The following ZNF804B variants were observed in gnomAD, a reference collection of about 807,000 sequenced individuals.
The protein encoded by ZNF804B is zinc finger 804B.
ZNF804B carries 80 observed loss-of-function variants against 101.4 expected under a neutral mutation model. That is an observed-to-expected ratio of 0.79 (90% CI 0.66 to 0.95). The LOEUF is 0.95. ZNF804B is among the 40% of genes least tolerant of loss of function. ZNF804B has a pLI of 0.00. For missense variants in ZNF804B, 1,673 were observed against 1,561.9 expected (o/e 1.07, Z -1.20); for synonymous variants, 622 against 558.8 (o/e 1.11, Z -1.59).
chr7:89,259,721 G>A (rs1238820514), intron 2 of ZNF804B, among the ~76,000 whole-genome samples: 1 of 152,138 alleles, frequency 6.6e-6, no homozygotes, highest in Non-Finnish European at 1.5e-5. Context: ...AGGCAGTCCT[G>A]TATTGGATCC....
intron 1 of ZNF804B, among the ~76,000 whole-genome samples, chr7:89,175,626 C>T (rs2888659): frequency 0.66 from 100,882 of 151,886 alleles, 34,011 homozygotes; most frequent in South Asian, 0.73. Flanking sequence ...GGTATTTTGG[C>T]AGGGATGCAT....
intron 1 of ZNF804B, among the ~76,000 whole-genome samples, chr7:89,192,924 A>C (rs557004762): frequency 6.6e-6 from 1 of 152,260 alleles, no homozygotes; most frequent in Admixed American, 6.6e-5. Context: ...ATAGATGCAG[A>C]AATGGCCTTC....
At chr7:89,230,382 T>G (rs771454248) in intron 2 of ZNF804B, among the ~76,000 whole-genome samples, 5 of 151,948 alleles carry the variant, frequency 3.3e-5, no homozygotes, top group African/African-American at 4.8e-5. Flanking sequence ...CCCCCAAATT[T>G]GATAACTTTG....
intron 1 of ZNF804B, among the ~76,000 whole-genome samples, chr7:88,962,735 A>ATATG (rs1343401707): frequency 1.4e-5 from 2 of 140,516 alleles, no homozygotes; most frequent in Non-Finnish European, 3.1e-5. Context: ...ATATATATAT[A>ATATG]TATATATATA....
chr7:89,113,931 A>G (rs1482729485), intron 1 of ZNF804B, among the ~76,000 whole-genome samples: 1 of 152,184 alleles, frequency 6.6e-6, no homozygotes, highest in East Asian at 1.9e-4. Context: ...CCATAAAAAA[A>G]AAAAAGGGAA....
chr7:89,263,518 C>T (rs908593026), intron 2 of ZNF804B, among the ~76,000 whole-genome samples: 2 of 151,400 alleles, frequency 1.3e-5, no homozygotes, highest in African/African-American at 4.9e-5. Flanking sequence ...TTCAAGTCTG[C>T]TATGTTGAAA....
intron 1 of ZNF804B, among the ~76,000 whole-genome samples, chr7:89,168,291 G>A (rs1791172959): frequency 6.6e-6 from 1 of 150,764 alleles, no homozygotes; most frequent in African/African-American, 2.4e-5. Flanking sequence ...TTTTTAGTGT[G>A]TTTGTGCATA....
intron 1 of ZNF804B, among the ~76,000 whole-genome samples, chr7:89,149,939 A>G (rs1366502123): frequency 2.6e-5 from 4 of 152,186 alleles, no homozygotes; most frequent in African/African-American, 9.6e-5. Flanking sequence ...ATTGGTCCAT[A>G]TCTGTGCCAT....
chr7:89,274,424 T>C (rs1473521947), intron 2 of ZNF804B, among the ~76,000 whole-genome samples: 2 of 145,752 alleles, frequency 1.4e-5, no homozygotes, highest in Non-Finnish European at 3.0e-5. Context: ...GGTTTTTTGT[T>C]CTTGTGATAG....
chr7:89,100,450 A>G lies in ZNF804B; in HGVS notation c.109-117705A>G, dbSNP rs75927987. ...CCCAAAAACACAGGCAGCCAAAGCA[A>G]AAATGAACAAATTGGATTACATCAA... On this transcript the variant is annotated intron_variant, in intron 1 of 3. Coordinates refer to ENST00000333190, the MANE Select transcript of ZNF804B (RefSeq NM_181646.5). Among the ~76,000 whole-genome samples, 722 of 152,290 alleles carry G rather than the reference A, an allele frequency of 4.7e-3. 7 individuals carry two copies. Among genetic ancestry groups the G allele is most frequent in the African/African-American group, 0.016 (653 of 41,564 alleles).
chr7:89,303,076 G>A (rs988121172), intron 2 of ZNF804B, among the ~76,000 whole-genome samples: 2 of 151,814 alleles, frequency 1.3e-5, no homozygotes, highest in African/African-American at 4.8e-5. Flanking sequence ...ATCAAAACTG[G>A]CTTTACATAT....
At chr7:89,304,778 C>A (rs1790535341) in intron 2 of ZNF804B, among the ~76,000 whole-genome samples, 1 of 151,864 alleles carries the variant, frequency 6.6e-6, no homozygotes. Context: ...CACAGACCTC[C>A]CATCTAAGTC....
intron 1 of ZNF804B, among the ~76,000 whole-genome samples, chr7:89,005,977 G>T (rs1161279945): frequency 6.6e-6 from 1 of 152,078 alleles, no homozygotes; most frequent in East Asian, 1.9e-4. Context: ...GGATGGAAAA[G>T]GTGTGGATAT....
chr7:89,264,544 CTCT>C (rs796537069), intron 2 of ZNF804B, among the ~76,000 whole-genome samples: 6 of 152,208 alleles, frequency 3.9e-5, no homozygotes, highest in African/African-American at 7.2e-5. Context: ...TCTGTTTACC[CTCT>C]TCTTCTGTTT....
At chr7:88,797,127 G>A (rs1790498375) in intron 1 of ZNF804B, among the ~76,000 whole-genome samples, 1 of 152,008 alleles carries the variant, frequency 6.6e-6, no homozygotes, top group Admixed American at 6.6e-5. Flanking sequence ...AAATTAACAT[G>A]TTTTTTCCTC....
At chr7:88,939,176 A>T (rs1793020288) in intron 1 of ZNF804B, among the ~76,000 whole-genome samples, 1 of 151,996 alleles carries the variant, frequency 6.6e-6, no homozygotes, top group Admixed American at 6.6e-5. Context: ...GGGATACCAA[A>T]ATTTATAGAT....
chr7:89,271,879 A>G (rs150818697), intron 2 of ZNF804B, among the ~76,000 whole-genome samples: 5,566 of 151,866 alleles, frequency 0.037, 309 homozygotes, highest in African/African-American at 0.13. Context: ...AGTATTCTCT[A>G]ATGGTAGTTT....
At chr7:88,795,848 A>G (rs1790473927) in intron 1 of ZNF804B, 1 of 152,118 alleles carries the variant, frequency 6.6e-6, no homozygotes, top group Admixed American at 6.6e-5. Flanking sequence ...AAACACTTCA[A>G]AGTCACTGCA....
At chr7:88,828,160 A>G (rs1791075255) in intron 1 of ZNF804B, among the ~76,000 whole-genome samples, 1 of 152,166 alleles carries the variant, frequency 6.6e-6, no homozygotes, top group Non-Finnish European at 1.5e-5. Context: ...TTCTGATGCC[A>G]TATCCCCTTT....
Sources: gnomAD v4.1 joint callset for allele counts (sites outside exome capture counted in the v4.1 genomes callset) on GRCh38, gnomAD v4.1.1 for gene constraint, MANE v1.5 for transcripts, NCBI Gene and HGNC (gene_info 2026-07-23, HGNC 2026-07-21) for gene names.